The following MYO1F variants were observed in gnomAD, a reference collection of about 807,000 sequenced individuals.
The protein encoded by MYO1F is myosin IF.
Under a neutral mutation model 146.6 loss-of-function variants are expected in MYO1F, and 60 were observed. That is an observed-to-expected ratio of 0.41 (90% confidence interval 0.33 to 0.51). The LOEUF (loss-of-function observed/expected upper bound fraction) is 0.51, where lower values mean the gene tolerates loss of function less well. MYO1F is among the 20% of genes least tolerant of loss of function. MYO1F has a pLI of 0.25. For synonymous variants in MYO1F, 602 were observed against 602.1 expected, an observed-to-expected ratio of 1.00 and a Z score of 0.00; for missense variants, 1,274 against 1,534.3, an observed-to-expected ratio of 0.83 and a Z score of 2.83.
intron 1 of MYO1F, among the ~76,000 whole-genome samples, chr19:8,560,670 GCTCAAGTGATCCTCCTGGT>G (rs985422397): frequency 2.0e-5 from 3 of 151,618 alleles, no homozygotes; most frequent in South Asian, 2.1e-4. Flanking sequence ...GACCTCCTGG[GCTCAAGTGATCCTCCTGGT>G]CTCAGCCTCC....
intron 15 of MYO1F, 109 bp from the exon 16 acceptor site, chr19:8,540,137 C>T: frequency 1.2e-6 from 1 of 805,988 alleles, no homozygotes; most frequent in South Asian, 1.8e-5. Context: ...ATGGTTCTCT[C>T]AATGTGGAGG....
At chr19:8,576,962 G>C (rs1248655397) in intron 1 of MYO1F, 4 of 487,512 alleles carry the variant, frequency 8.2e-6, no homozygotes, top group African/African-American at 1.9e-5. Flanking sequence ...CGAGAGACTG[G>C]GCTGGACTGG....
intron 1 of MYO1F, among the ~76,000 whole-genome samples, chr19:8,565,041 G>A (rs2041977912): frequency 6.6e-6 from 1 of 152,010 alleles, no homozygotes; most frequent in Middle Eastern, 3.4e-3. Context: ...CCACTGTGCT[G>A]GGATTACAGG....
chr19:8,537,108 G>T, intron 16 of MYO1F, 53 bp from the exon 17 acceptor site: 2 of 1,262,790 alleles, frequency 1.6e-6, no homozygotes, highest in Non-Finnish European at 2.3e-6. Context: ...GGGACCCTCT[G>T]GCCCCTCTTT....
At chr19:8,535,884 T>C (rs574190228) in intron 19 of MYO1F, among the ~76,000 whole-genome samples, 1 of 152,098 alleles carries the variant, frequency 6.6e-6, no homozygotes, top group South Asian at 2.1e-4. Context: ...GGTTTCACTG[T>C]GTTAGCCAGG....
chr19:8,572,320 T>C (rs1300316991), intron 1 of MYO1F, among the ~76,000 whole-genome samples: 5 of 151,720 alleles, frequency 3.3e-5, no homozygotes, highest in Non-Finnish European at 4.4e-5. Context: ...CAAGCTGGAG[T>C]GTAGTGGTGC....
intron 21 of MYO1F, among the ~76,000 whole-genome samples, chr19:8,528,645 G>C (rs967292740): frequency 2.0e-5 from 3 of 152,174 alleles, no homozygotes; most frequent in Non-Finnish European, 4.4e-5. Flanking sequence ...AAGGGTGTTT[G>C]GGTCAGTGAA....
chr19:8,526,346 A>G (rs1479140242), intron 24 of MYO1F, 107 bp downstream of exon 24: 6 of 1,450,670 alleles, frequency 4.1e-6, no homozygotes, highest in African/African-American at 3.0e-5. Flanking sequence ...ACAAAACTCA[A>G]AAGTCTCTCT....
chr19:8,551,140 C>T (rs1247578753), intron 8 of MYO1F, among the ~76,000 whole-genome samples: 1 of 151,670 alleles, frequency 6.6e-6, no homozygotes, highest in Non-Finnish European at 1.5e-5. Flanking sequence ...CAACCTCCAC[C>T]TCCCGGGTTT....
In MYO1F at chr19:8,554,712, T is replaced by A; in HGVS notation, c.173A>T (p.Asn58Ile). The part of the protein sequence containing the change: ...TYIGSVLISV[N>I]PFKQMPYFTD... ...GAAGTAGGGCATCTGCTTGAAGGGG[T>A]TTACAGAGATGAGCACAGAGCCGAT... is the stretch of plus-strand genomic sequence containing the variant. Residue 58 changes from asparagine (N) to isoleucine (I), a missense_variant, in exon 3 of 28, where the codon AAC (asparagine) becomes ATC (isoleucine). Asn to Ile is a moderately radical substitution (Grantham distance 149). Transcript: ENST00000644032. 6.2e-7 allele frequency: 1 copy of A among 1,613,412 alleles called. No homozygotes were observed. The highest frequency in any genetic ancestry group is 8.5e-7 in the Non-Finnish European group (1 of 1,179,886).
intron 24 of MYO1F, 78 bp downstream of exon 24, chr19:8,526,375 T>A (rs944783842): frequency 3.3e-6 from 5 of 1,516,674 alleles, no homozygotes; most frequent in Non-Finnish European, 4.4e-6. Flanking sequence ...CTGTAGACAC[T>A]CCCCTTCCTG....
chr19:8,532,900 A>AT (rs1972540258), intron 19 of MYO1F, among the ~76,000 whole-genome samples: 2 of 45,100 alleles, frequency 4.4e-5, no homozygotes, highest in African/African-American at 3.1e-4. Flanking sequence ...AAAAAAAAAA[A>AT]AATACACACA....
At chr19:8,523,504 T>C (rs182822856) in intron 25 of MYO1F, among the ~76,000 whole-genome samples, 3 of 151,928 alleles carry the variant, frequency 2.0e-5, no homozygotes, top group South Asian at 2.1e-4. Context: ...TGCTCCACTA[T>C]GCCCAGTTGA....
intron 19 of MYO1F, among the ~76,000 whole-genome samples, chr19:8,534,486 T>C (rs1458615133): frequency 6.6e-6 from 1 of 151,822 alleles, no homozygotes; most frequent in Non-Finnish European, 1.5e-5. Context: ...TTTGTATTTT[T>C]AGTAGAGATG....
At chr19:8,549,494 A>G (rs1361036114) in intron 10 of MYO1F, 1 of 151,994 alleles carries the variant, frequency 6.6e-6, no homozygotes, top group African/African-American at 2.4e-5. Flanking sequence ...GACTCCATAC[A>G]TTAAAAAAGT....
At chr19:8,536,772 GA>G in intron 17 of MYO1F, 175 bp from the exon 18 acceptor site, 2 of 316,830 alleles carry the variant, frequency 6.3e-6, no homozygotes, top group Admixed American at 4.3e-5. Flanking sequence ...GGACTGGGGG[GA>G]GGGATCTTGT....
At chr19:8,539,527 C>T (rs576613475) in intron 16 of MYO1F, among the ~76,000 whole-genome samples, 7 of 151,482 alleles carry the variant, frequency 4.6e-5, no homozygotes, top group Non-Finnish European at 5.9e-5. Flanking sequence ...ACCCAGGAGG[C>T]GGAGGTTGCA....
intron 14 of MYO1F, among the ~76,000 whole-genome samples, chr19:8,543,744 CTGG>C (rs1282435228): frequency 0.018 from 173 of 9,728 alleles, 16 homozygotes; most frequent in Non-Finnish European, 0.02. Context: ...GCTGGTGGTG[CTGG>C]TGGTGGTGGT....
chr19:8,543,940 TGGTGG>T, intron 14 of MYO1F: 1 of 248,748 alleles, frequency 4.0e-6, no homozygotes, highest in Non-Finnish European at 7.3e-6. Flanking sequence ...GTGGTGGTGC[TGGTGG>T]TGCTGGTGGT....
Sources: gnomAD v4.1 joint callset for allele counts (sites outside exome capture counted in the v4.1 genomes callset) on GRCh38, gnomAD v4.1.1 for gene constraint, MANE v1.5 for transcripts, NCBI Gene and HGNC (gene_info 2026-07-23, HGNC 2026-07-21) for gene names.